Variants in PTPRM observed in about 807,000 individuals in gnomAD.
PTPRM encodes the protein protein tyrosine phosphatase receptor type M.
In PTPRM, 47 loss-of-function variants were observed where a neutral mutation model predicts 186.7. The observed-to-expected ratio is 0.25, with a 90% CI of 0.20 to 0.32. The LOEUF is 0.32. Ranked by LOEUF, PTPRM falls within the 10% of genes least tolerant of loss-of-function variation. PTPRM has a pLI of 1.00. For synonymous variants in PTPRM, 668 were observed against 674.9 expected, an observed-to-expected ratio of 0.99 and a Z score of 0.16; for missense variants, 1,494 against 1,865.0, an observed-to-expected ratio of 0.80 and a Z score of 3.66.
intron 19 of PTPRM, among the ~76,000 whole-genome samples, chr18:8,262,004 T>A (rs1309485350): frequency 4.2e-5 from 6 of 144,158 alleles, no homozygotes; most frequent in African/African-American, 1.5e-4. Context: ...CTGCGGACCT[T>A]ATGTGTGTCT....
At chr18:7,966,546 G>T (rs1047443445) in intron 7 of PTPRM, among the ~76,000 whole-genome samples, 4 of 150,196 alleles carry the variant, frequency 2.7e-5, no homozygotes, top group African/African-American at 9.8e-5. Flanking sequence ...CTGAGGTACC[G>T]GGTTCATCTC....
At chr18:7,695,160 G>C (rs1486747543) in intron 1 of PTPRM, among the ~76,000 whole-genome samples, 1 of 152,218 alleles carries the variant, frequency 6.6e-6, no homozygotes, top group East Asian at 1.9e-4. Flanking sequence ...AACGTCTCCT[G>C]TAAGTGGTGC....
intron 7 of PTPRM, among the ~76,000 whole-genome samples, chr18:8,023,003 CTT>C (rs1358808810): frequency 6.6e-6 from 1 of 152,144 alleles, no homozygotes; most frequent in Non-Finnish European, 1.5e-5. Context: ...GAAACGTCCT[CTT>C]TATTCAGTCA....
At chr18:8,112,125 T>C (rs895557260) in intron 11 of PTPRM, among the ~76,000 whole-genome samples, 3 of 152,256 alleles carry the variant, frequency 2.0e-5, no homozygotes, top group Admixed American at 1.3e-4. Flanking sequence ...GTACTCCTTT[T>C]TTTAAGTTTA....
intron 8 of PTPRM, among the ~76,000 whole-genome samples, chr18:8,070,216 A>G (rs1198727675): frequency 1.3e-5 from 2 of 151,622 alleles, no homozygotes; most frequent in Non-Finnish European, 2.9e-5. Context: ...TTACTTTTCT[A>G]TATATAATCA....
intron 11 of PTPRM, among the ~76,000 whole-genome samples, chr18:8,106,325 T>G (rs1190453315): frequency 7.4e-6 from 1 of 135,310 alleles, no homozygotes; most frequent in Non-Finnish European, 1.5e-5. Flanking sequence ...CATGTTGGCT[T>G]TTTTTTTTGT....
chr18:7,745,083 C>T (rs927224836), intron 1 of PTPRM, among the ~76,000 whole-genome samples: 1 of 151,822 alleles, frequency 6.6e-6, no homozygotes, highest in Non-Finnish European at 1.5e-5. Context: ...GGGTAAGTTA[C>T]CCAAATTCTC....
chr18:7,932,749 G>C (rs2146869942), intron 5 of PTPRM, among the ~76,000 whole-genome samples: 1 of 152,128 alleles, frequency 6.6e-6, no homozygotes, highest in East Asian at 1.9e-4. Flanking sequence ...TGCAAGCAGA[G>C]TTTGGCATTT....
chr18:7,819,078 G>A (rs1388003505), intron 2 of PTPRM, among the ~76,000 whole-genome samples: 1 of 152,218 alleles, frequency 6.6e-6, no homozygotes, highest in Non-Finnish European at 1.5e-5. Context: ...CAGATAGTGG[G>A]CCTGAGAAAT....
chr18:7,655,918 A>G (rs943768850), intron 1 of PTPRM, among the ~76,000 whole-genome samples: 2 of 152,228 alleles, frequency 1.3e-5, no homozygotes, highest in South Asian at 2.1e-4. Flanking sequence ...ATGAAAAAGG[A>G]AACTAATGAC....
At chr18:7,993,510 C>A (rs1275028186) in intron 7 of PTPRM, among the ~76,000 whole-genome samples, 2 of 152,000 alleles carry the variant, frequency 1.3e-5, no homozygotes, top group African/African-American at 2.4e-5. Context: ...GAATTCCCAT[C>A]AGATTAACAG....
intron 19 of PTPRM, among the ~76,000 whole-genome samples, chr18:8,285,663 T>G (rs1172305721): frequency 6.6e-6 from 1 of 152,168 alleles, no homozygotes; most frequent in African/African-American, 2.4e-5. Context: ...ATTTTTGTTG[T>G]CTCGACTTTT....
At chr18:8,104,613 A>AT (rs1036100358) in intron 11 of PTPRM, among the ~76,000 whole-genome samples, 7 of 151,144 alleles carry the variant, frequency 4.6e-5, no homozygotes, top group Non-Finnish European at 8.8e-5. Context: ...CACGCAGCTG[A>AT]TTTTTTTTTA....
intron 30 of PTPRM, among the ~76,000 whole-genome samples, chr18:8,386,022 A>G (rs1254524745): frequency 1.3e-5 from 2 of 152,130 alleles, no homozygotes; most frequent in African/African-American, 4.8e-5. Context: ...CCTGAGAGCT[A>G]GGATGATGGA....
chr18:7,937,866 C>T (rs1259944701), intron 5 of PTPRM, among the ~76,000 whole-genome samples: 1 of 152,162 alleles, frequency 6.6e-6, no homozygotes, highest in Admixed American at 6.5e-5. Flanking sequence ...ATCTTTATTG[C>T]TGCTCATGTC....
At chr18:7,960,480 T>TACACACACACAC (rs74175819) in intron 7 of PTPRM, among the ~76,000 whole-genome samples, 4 of 86,602 alleles carry the variant, frequency 4.6e-5, no homozygotes, top group African/African-American at 1.7e-4. Context: ...TATATATATA[T>TACACACACACAC]ACACACACAC....
At chr18:7,905,719 T>C (rs1247371021) in intron 3 of PTPRM, among the ~76,000 whole-genome samples, 4 of 152,194 alleles carry the variant, frequency 2.6e-5, no homozygotes, top group African/African-American at 9.7e-5. Flanking sequence ...TCTCATCCTG[T>C]AGCTATTGGC....
chr18:7,688,615 G>A (rs1414474008), intron 1 of PTPRM, among the ~76,000 whole-genome samples: 1 of 152,186 alleles, frequency 6.6e-6, no homozygotes, highest in Admixed American at 6.5e-5. Context: ...GAAGAGTTGT[G>A]GAAGAAGACT....
intron 1 of PTPRM, among the ~76,000 whole-genome samples, chr18:7,719,528 A>G (rs1172831188): frequency 6.6e-6 from 1 of 152,196 alleles, no homozygotes; most frequent in African/African-American, 2.4e-5. Context: ...CCAAAAAACT[A>G]TTAAATTTAG....
Sources: gnomAD v4.1 joint callset for allele counts (sites outside exome capture counted in the v4.1 genomes callset) on GRCh38, gnomAD v4.1.1 for gene constraint, MANE v1.5 for transcripts, NCBI Gene and HGNC (gene_info 2026-07-23, HGNC 2026-07-21) for gene names.